The following ZFYVE28 variants were observed in gnomAD, a reference collection of about 807,000 sequenced individuals.
The protein encoded by ZFYVE28 is lateral signaling target protein 2 homolog.
A neutral mutation model predicts 82.1 loss-of-function variants in ZFYVE28; 40 were observed. That is an observed-to-expected ratio of 0.49 (90% CI 0.38 to 0.63). The LOEUF (loss-of-function observed/expected upper bound fraction) is 0.63, where lower values mean the gene tolerates loss of function less well. Among genes scored for constraint, ZFYVE28 ranks in the 30% least tolerant of loss-of-function variants. ZFYVE28 has a pLI of 0.00. For missense variants in ZFYVE28, 1,321 were observed against 1,242.1 expected (o/e 1.06, Z -0.96); for synonymous variants, 612 against 546.1 (o/e 1.12, Z -1.68).
chr4:2,337,612 G>T (rs541041259), intron 4 of ZFYVE28, 116 bp from the exon 5 acceptor site: 2 of 767,412 alleles, frequency 2.6e-6, no homozygotes, highest in Non-Finnish European at 2.1e-6. Context: ...GGGGGCGGGG[G>T]GCCTCACGCC....
rs553061347 is a variant in ZFYVE28 at position 2,273,957 on chromosome 4, T to C, written c.2206+105A>G. On this transcript the variant is annotated intron_variant, in intron 9 of 12. Coordinates refer to ENST00000290974, the MANE Select transcript of ZFYVE28 (RefSeq NM_020972.3). ...CTTAGGGGCAGAGTGGGCTGCTGTT[T>C]ACAGGAAAGTGAGGGGGAGGTTGTA... The C allele has an allele frequency of 3.0e-6, 4 of 1,355,638 alleles. No homozygotes were observed. In the African/African-American group the frequency reaches 4.3e-5, roughly 15 times the overall value. The allele number at this position is 1,355,638 out of a possible 1,614,324, so 84.0% of individuals were successfully genotyped here.
At chr4:2,382,885 G>A (rs1347642411) in intron 1 of ZFYVE28, among the ~76,000 whole-genome samples, 3 of 151,974 alleles carry the variant, frequency 2.0e-5, no homozygotes, top group Non-Finnish European at 2.9e-5. Flanking sequence ...CTTCTTACAC[G>A]GCAGCAGCAG....
chr4:2,317,009 G>C (rs1718323321), intron 7 of ZFYVE28, among the ~76,000 whole-genome samples: 1 of 109,700 alleles, frequency 9.1e-6, no homozygotes, highest in Admixed American at 1.1e-4. Context: ...TTTTTTTTGA[G>C]ACAGAGTCTC....
intron 8 of ZFYVE28, among the ~76,000 whole-genome samples, chr4:2,299,751 A>AT (rs1015656020): frequency 1.4e-4 from 21 of 148,286 alleles, no homozygotes; most frequent in Non-Finnish European, 2.8e-4. Flanking sequence ...CAGTGGAAAA[A>AT]AAAATAAAAC....
intron 6 of ZFYVE28, chr4:2,329,051 A>C: frequency 2.9e-6 from 2 of 692,130 alleles, no homozygotes; most frequent in Non-Finnish European, 2.6e-6. Context: ...GGACGTATGA[A>C]TCTTCCAATT....
In ZFYVE28 at chr4:2,270,719, A is replaced by C. The variant is rs768096438; in HGVS notation, c.*6T>G. Reference sequence around the variant, plus strand: ...CGGGTGGGTTGGGGCTGCCCCTGGCACCACGTCACAGGCCGGCCTTGTCGC... The same window carrying C: ...CGGGTGGGTTGGGGCTGCCCCTGGCCCCACGTCACAGGCCGGCCTTGTCGC... On this transcript the variant is annotated 3_prime_UTR_variant, in exon 13 of 13. Transcript: ENST00000290974. 7.9e-5 allele frequency: 128 copies of C among 1,612,852 alleles called. No individual in the cohort carries two copies. Among genetic ancestry groups the C allele is most frequent in the Non-Finnish European group, 1.0e-4 (123 of 1,179,872 alleles).
intron 1 of ZFYVE28, among the ~76,000 whole-genome samples, chr4:2,393,369 G>A (rs1186391975): frequency 1.3e-5 from 2 of 152,248 alleles, no homozygotes; most frequent in African/African-American, 4.8e-5. Flanking sequence ...TTGGAAGGCA[G>A]GCCACACAGG....
intron 8 of ZFYVE28, among the ~76,000 whole-genome samples, chr4:2,295,254 C>T (rs1714361302): frequency 6.6e-6 from 1 of 152,184 alleles, no homozygotes; most frequent in East Asian, 1.9e-4. Context: ...CTCTGTCTCC[C>T]AGGTTCAAGT....
rs770191073 is a variant in ZFYVE28 at position 2,394,520 on chromosome 4, G to C, written c.39+23765C>G. 6.6e-6 allele frequency among the ~76,000 whole-genome samples: 1 copy of C among 152,160 alleles called. No homozygotes were observed. The highest frequency in any genetic ancestry group is 1.5e-5 in the Non-Finnish European group (1 of 68,016). Reference sequence around the variant, plus strand: ...CTAGGCTGGCTGCGTTTCTCTTCACGGGGTGGTTGACCGCATGAGAAGGGT... The same window carrying C: ...CTAGGCTGGCTGCGTTTCTCTTCACCGGGTGGTTGACCGCATGAGAAGGGT... On this transcript the variant is annotated intron_variant, in intron 1 of 12. Coordinates refer to ENST00000290974, the MANE Select transcript of ZFYVE28 (RefSeq NM_020972.3). This position sits in a 1 kb window ranked among gnomAD's most constrained non-coding sequence, Gnocchi z 4.0.
rs1294212276 is a variant in ZFYVE28 at position 2,409,021 on chromosome 4, A to G, written c.39+9264T>C. Among the ~76,000 whole-genome samples the G allele has an allele frequency of 6.6e-6, 1 of 152,138 alleles. No homozygotes were observed. Among genetic ancestry groups the G allele is most frequent in the African/African-American group, 2.4e-5 (1 of 41,410 alleles). ...AAATGTTTTTGTGATTTTATCCAAC[A>G]TGCCTGGGCATCTCGCAGTGGGGAG... On this transcript the variant is annotated intron_variant, in intron 1 of 12. Transcript: ENST00000290974. The surrounding 1 kb of genome is among the most constrained non-coding windows in gnomAD (Gnocchi z 4.4).
chr4:2,341,541 G>C lies in ZFYVE28; in HGVS notation c.255C>G (p.Cys85Trp). Residue 85 changes from cysteine (C) to tryptophan (W), a missense_variant, in exon 3 of 13, where the codon TGC (cysteine) becomes TGG (tryptophan). Physicochemically the swap from Cys to Trp is radical, Grantham distance 215 (BLOSUM62 -2). Transcript: ENST00000290974. This position sits in a 1 kb window ranked among gnomAD's most constrained non-coding sequence, Gnocchi z 4.5. ...IPQDRAPRDF[C>W]VKFPEEIRHD... ...GCCGGATCTCCTCAGGGAACTTGAC[G>C]CAGAAATCTCTGGGGGCGCGGTCCT... is the stretch of plus-strand genomic sequence containing the variant. 6.2e-7 allele frequency: 1 copy of C among 1,614,044 alleles called. No homozygotes were observed.
At chr4:2,318,360 C>T (rs538559926) in intron 7 of ZFYVE28, among the ~76,000 whole-genome samples, 82 of 152,268 alleles carry the variant, frequency 5.4e-4, no homozygotes, top group Non-Finnish European at 3.1e-4. Flanking sequence ...GAGTTCAAGA[C>T]CAGCCTGACC....
At chr4:2,365,602 G>A (rs1405322950) in intron 1 of ZFYVE28, among the ~76,000 whole-genome samples, 3 of 152,098 alleles carry the variant, frequency 2.0e-5, no homozygotes, top group African/African-American at 4.8e-5. Context: ...GCCCAACCTG[G>A]GGGCAAAGGC....
At chr4:2,346,058 G>A (rs1723492593) in intron 2 of ZFYVE28, among the ~76,000 whole-genome samples, 1 of 152,024 alleles carries the variant, frequency 6.6e-6, no homozygotes, top group Non-Finnish European at 1.5e-5. Flanking sequence ...GCCAGGGGCG[G>A]TGGCTCACGC....
chr4:2,297,150 C>T (rs1392567282), intron 8 of ZFYVE28, among the ~76,000 whole-genome samples: 2 of 152,260 alleles, frequency 1.3e-5, no homozygotes, highest in Non-Finnish European at 2.9e-5. Flanking sequence ...CACGCAGCGG[C>T]GCCTTCACTG....
intron 8 of ZFYVE28, among the ~76,000 whole-genome samples, chr4:2,298,237 T>C (rs1404823262): frequency 6.7e-6 from 1 of 149,444 alleles, no homozygotes; most frequent in Non-Finnish European, 1.5e-5. Flanking sequence ...GACAGTGGGG[T>C]GACACGGTGA....
At chr4:2,398,647 G>A (rs915449677) in intron 1 of ZFYVE28, among the ~76,000 whole-genome samples, 1 of 149,704 alleles carries the variant, frequency 6.7e-6, no homozygotes, top group African/African-American at 2.5e-5. Context: ...ACAAGGCGGG[G>A]GCGAGATCGA....
intron 1 of ZFYVE28, among the ~76,000 whole-genome samples, chr4:2,367,010 A>G (rs886931103): frequency 2.0e-5 from 3 of 152,266 alleles, no homozygotes; most frequent in African/African-American, 7.2e-5. Flanking sequence ...AAATTCTGTC[A>G]AGTACTGCCT....
intron 2 of ZFYVE28, among the ~76,000 whole-genome samples, chr4:2,351,593 A>G (rs2108879426): frequency 6.6e-6 from 1 of 152,286 alleles, no homozygotes; most frequent in African/African-American, 2.4e-5. Context: ...GCATGCCTGT[A>G]ATCCCAGCTA....
Sources: allele counts gnomAD v4.1 joint callset (sites outside exome capture counted in the v4.1 genomes callset), GRCh38; gene constraint gnomAD v4.1.1; non-coding constraint Gnocchi (gnomAD v3.1); transcripts MANE v1.5; gene names NCBI Gene and HGNC (gene_info 2026-07-23, HGNC 2026-07-21).